Variants in MAGI1 observed in about 807,000 individuals in gnomAD.
The protein encoded by MAGI1 is membrane-associated guanylate kinase, WW and PDZ domain-containing protein 1.
Under a neutral mutation model 139.9 loss-of-function variants are expected in MAGI1, and 58 were observed. The observed-to-expected ratio is 0.41, with a 90% CI of 0.34 to 0.52. The LOEUF (loss-of-function observed/expected upper bound fraction) is 0.52, where lower values mean the gene tolerates loss of function less well. Among genes scored for constraint, MAGI1 ranks in the 20% least tolerant of loss-of-function variants. The pLI is 0.12. For missense variants in MAGI1, 1,874 were observed against 1,901.6 expected (o/e 0.99, Z 0.27); for synonymous variants, 812 against 737.9 (o/e 1.10, Z -1.63).
rs187023790 is a variant in MAGI1, at chr3:65,523,881, G to A, written c.431-30250C>T. ...AATACTTTCAGAGTAAGAAGCCTGA[G>A]AGTGCACGCTACAGAAGAGCTTATG... On this transcript the variant is annotated intron_variant, in intron 2 of 22. Coordinates refer to ENST00000402939, the MANE Select transcript of MAGI1 (RefSeq NM_001033057.2). Among the ~76,000 whole-genome samples, 668 of 152,244 alleles carry A rather than the reference G, an allele frequency of 4.4e-3. 3 individuals are homozygous for A. The highest frequency in any genetic ancestry group is 6.6e-3 in the Non-Finnish European group (448 of 68,010).
intron 1 of MAGI1, among the ~76,000 whole-genome samples, chr3:65,732,433 G>T (rs769380518): frequency 6.6e-6 from 1 of 152,162 alleles, no homozygotes; most frequent in Non-Finnish European, 1.5e-5. Flanking sequence ...TTAGCTGTGC[G>T]AGAAAGGGAA....
intron 2 of MAGI1, among the ~76,000 whole-genome samples, chr3:65,578,968 A>G (rs1399058439): frequency 1.3e-5 from 2 of 151,618 alleles, no homozygotes; most frequent in Non-Finnish European, 2.9e-5. Flanking sequence ...AGAGAGAACG[A>G]ACAGATATTC....
chr3:65,950,250 A>G (rs1424382932), intron 1 of MAGI1, among the ~76,000 whole-genome samples: 1 of 151,968 alleles, frequency 6.6e-6, no homozygotes. Context: ...TGGGTAACTT[A>G]GCACTGGCTG....
chr3:66,038,632 TTCC>T lies in MAGI1; in HGVS notation c.-327_-325del. ...TCTGCGCCGCTCGGGTTATTTTTTT[TTCC>T]TTCCTTCCTTTCTCTCTTGCCTTTT... On this transcript the variant is annotated 5_prime_UTR_variant, in exon 1 of 23. Coordinates refer to ENST00000402939, the MANE Select transcript of MAGI1 (RefSeq NM_001033057.2). The T allele has an allele frequency of 1.7e-5, 5 of 289,052 alleles. No homozygotes were observed. The highest frequency in any genetic ancestry group is 6.1e-5 in the East Asian group (1 of 16,518). 17.9% of individuals were successfully genotyped at this position (289,052 alleles called of 1,614,324 possible). A position where few individuals can be genotyped will look rare whatever the true frequency, so the allele number is the denominator to read the frequency against.
At chr3:65,509,435 T>C (rs757207809) in intron 2 of MAGI1, among the ~76,000 whole-genome samples, 19 of 151,904 alleles carry the variant, frequency 1.3e-4, no homozygotes, top group African/African-American at 2.2e-4. Flanking sequence ...TGGGCGCAGG[T>C]CAGTGGGTGC....
chr3:65,565,855 T>TC (rs2080596056), intron 2 of MAGI1, among the ~76,000 whole-genome samples: 1 of 73,590 alleles, frequency 1.4e-5, no homozygotes, highest in South Asian at 4.6e-4. Flanking sequence ...AGACTCCGTG[T>TC]CAAAAAAAAA....
intron 2 of MAGI1, among the ~76,000 whole-genome samples, chr3:65,562,410 GATAA>G (rs2080401577): frequency 6.6e-6 from 1 of 152,152 alleles, no homozygotes; most frequent in Non-Finnish European, 1.5e-5. Flanking sequence ...TCTTAGAATT[GATAA>G]ATATAGTATT....
At chr3:65,375,173 A>C (rs912641528) in intron 18 of MAGI1, among the ~76,000 whole-genome samples, 3 of 151,668 alleles carry the variant, frequency 2.0e-5, no homozygotes, top group African/African-American at 7.3e-5. Flanking sequence ...GAAAGGGTGA[A>C]GATTTTTCTG....
chr3:65,630,414 T>C (rs1164618532), intron 1 of MAGI1, among the ~76,000 whole-genome samples: 5 of 151,642 alleles, frequency 3.3e-5, no homozygotes, highest in Admixed American at 1.3e-4. Context: ...AGGAAAGAGG[T>C]TGGTATGCTA....
At chr3:65,870,530 G>A (rs1258399334) in intron 1 of MAGI1, among the ~76,000 whole-genome samples, 1 of 151,636 alleles carries the variant, frequency 6.6e-6, no homozygotes, top group Non-Finnish European at 1.5e-5. Flanking sequence ...GGGAAGGAGG[G>A]GAAGAAGACA....
At position 65,923,731 on chromosome 3, in the gene MAGI1, G is replaced by A. The variant is rs11923674; in HGVS notation, c.313+114265C>T. 3.1e-3 allele frequency among the ~76,000 whole-genome samples: 477 copies of A among 152,270 alleles called. 4 individuals carry two copies. Among genetic ancestry groups the A allele is most frequent in the African/African-American group, 0.011 (463 of 41,536 alleles). ...GCTGCTATGGGAGATAAGAGATAAG[G>A]TTGGCCAATCACATACAGCTGTACA... On this transcript the variant is annotated intron_variant, in intron 1 of 22. Transcript: ENST00000402939.
In MAGI1 at chr3:66,005,400, T is replaced by C. The variant is rs191384647; in HGVS notation, c.313+32596A>G. On this transcript the variant is annotated intron_variant, in intron 1 of 22. Coordinates refer to ENST00000402939, the MANE Select transcript of MAGI1 (RefSeq NM_001033057.2). ...CTCTTCCTATGTTTTAAGGACAAAA[T>C]AGGCCCACCTTTCAGACTTCTGGTT... Among the ~76,000 whole-genome samples, 169 of 152,276 alleles carry C rather than the reference T, an allele frequency of 1.1e-3. 1 individual carries two copies. The Middle Eastern group carries it at 0.014, about 12-fold the overall frequency.
chr3:65,437,934 T>C (rs1258592862), intron 9 of MAGI1, among the ~76,000 whole-genome samples: 1 of 152,144 alleles, frequency 6.6e-6, no homozygotes, highest in Non-Finnish European at 1.5e-5. Flanking sequence ...TTGATAAGGA[T>C]GTAGAGAAAA....
intron 2 of MAGI1, among the ~76,000 whole-genome samples, chr3:65,569,683 C>T (rs1390418949): frequency 2.0e-5 from 3 of 151,488 alleles, no homozygotes; most frequent in Non-Finnish European, 2.9e-5. Context: ...TGGAGACCAG[C>T]CTGGGAAACA....
At chr3:65,666,464 C>T (rs2086532629) in intron 1 of MAGI1, among the ~76,000 whole-genome samples, 1 of 152,084 alleles carries the variant, frequency 6.6e-6, no homozygotes, top group Admixed American at 6.5e-5. Flanking sequence ...TGCTTTGAGA[C>T]TAAAAAATTC....
intron 1 of MAGI1, among the ~76,000 whole-genome samples, chr3:65,966,606 T>G (rs2064754624): frequency 7.1e-6 from 1 of 141,260 alleles, no homozygotes. Flanking sequence ...TGGGCAGGGG[T>G]AGGGGGGAGC....
At chr3:65,502,442 T>C (rs2077119392) in intron 2 of MAGI1, among the ~76,000 whole-genome samples, 2 of 152,146 alleles carry the variant, frequency 1.3e-5, no homozygotes, top group South Asian at 4.1e-4. Flanking sequence ...CAGAATACCA[T>C]GAACTGGGTG....
At chr3:65,447,768 T>G (rs1380000926) in intron 7 of MAGI1, among the ~76,000 whole-genome samples, 5 of 152,222 alleles carry the variant, frequency 3.3e-5, no homozygotes, top group African/African-American at 1.2e-4. Context: ...CATTACCAAT[T>G]TGCTAACTCT....
intron 1 of MAGI1, among the ~76,000 whole-genome samples, chr3:65,663,076 T>C (rs1447114073): frequency 6.6e-6 from 1 of 152,148 alleles, no homozygotes; most frequent in Non-Finnish European, 1.5e-5. Context: ...TCAATACATA[T>C]GTCCACGATG....
Sources: allele counts gnomAD v4.1 joint callset (sites outside exome capture counted in the v4.1 genomes callset), GRCh38; gene constraint gnomAD v4.1.1; transcripts MANE v1.5; gene names NCBI Gene and HGNC (gene_info 2026-07-23, HGNC 2026-07-21).